Variants in PRICKLE1 observed in about 807,000 individuals in gnomAD.
The protein encoded by PRICKLE1 is prickle-like protein 1.
Under a neutral mutation model 70.2 loss-of-function variants are expected in PRICKLE1, and 14 were observed. That is an observed-to-expected ratio of 0.20 (90% CI 0.13 to 0.31). The LOEUF (loss-of-function observed/expected upper bound fraction) is 0.31, where lower values mean the gene tolerates loss of function less well. Among genes scored for constraint, PRICKLE1 ranks in the 10% least tolerant of loss-of-function variants. PRICKLE1 has a pLI of 1.00. For synonymous variants in PRICKLE1, 357 were observed against 379.9 expected, an observed-to-expected ratio of 0.94 and a Z score of 0.70; for missense variants, 821 against 1,026.2, an observed-to-expected ratio of 0.80 and a Z score of 2.73.
In PRICKLE1 at chr12:42,464,544, A is replaced by G; in HGVS notation, c.1490T>C (p.Leu497Pro). Residue 497 changes from leucine (L) to proline (P), a missense_variant, in exon 7 of 8, where the codon CTT becomes CCT. By Grantham distance (98) the Leu-to-Pro change is moderately conservative. Coordinates refer to ENST00000345127, the MANE Select transcript of PRICKLE1 (RefSeq NM_153026.3). This position sits in a 1 kb window ranked among gnomAD's most constrained non-coding sequence, Gnocchi z 4.2. The part of the protein sequence containing the change: ...SHPGPASSRR[L>P]QELELDHGAS... ...CCCATGGTCCAGTTCCAATTCCTGA[A>G]GCCTTCTACTGCTTGCAGGGCCTGG... The G allele has an allele frequency of 6.2e-7, 1 of 1,613,856 alleles. No homozygotes were observed. Among genetic ancestry groups the G allele is most frequent in the Non-Finnish European group, 8.5e-7 (1 of 1,179,984 alleles).
chr12:42,557,846 G>C (rs1174001194), intron 1 of PRICKLE1, among the ~76,000 whole-genome samples: 1 of 152,158 alleles, frequency 6.6e-6, no homozygotes, highest in Admixed American at 6.5e-5. Flanking sequence ...ACTCATTCCA[G>C]AATCATCACA....
intron 1 of PRICKLE1, among the ~76,000 whole-genome samples, chr12:42,532,894 CAAA>C (rs11413258): frequency 1.5e-5 from 2 of 133,062 alleles, no homozygotes; most frequent in African/African-American, 2.9e-5. Flanking sequence ...GACTCCGTCT[CAAA>C]AAAAAAAAAA....
chr12:42,543,831 A>T (rs1427163190), intron 1 of PRICKLE1, among the ~76,000 whole-genome samples: 3 of 152,100 alleles, frequency 2.0e-5, no homozygotes, highest in Non-Finnish European at 2.9e-5. Context: ...AACTCCTCAA[A>T]ATTTAAATAA....
intron 5 of PRICKLE1, among the ~76,000 whole-genome samples, chr12:42,467,538 C>T (rs1036167803): frequency 2.0e-5 from 3 of 151,700 alleles, no homozygotes; most frequent in South Asian, 2.1e-4. Context: ...GTCAGGAATT[C>T]GAGACCAGCC....
At chr12:42,531,657 C>G (rs1939919950) in intron 1 of PRICKLE1, among the ~76,000 whole-genome samples, 2 of 152,156 alleles carry the variant, frequency 1.3e-5, no homozygotes, top group African/African-American at 2.4e-5. Context: ...AACAGGACAA[C>G]TCAGAGTTGA....
chr12:42,554,114 C>T (rs112817401), intron 1 of PRICKLE1, among the ~76,000 whole-genome samples: 6 of 152,180 alleles, frequency 3.9e-5, no homozygotes, highest in African/African-American at 7.2e-5. Flanking sequence ...CAAAACAAAA[C>T]GAAACAAACA....
At chr12:42,497,870 C>T (rs1017495431) in intron 1 of PRICKLE1, among the ~76,000 whole-genome samples, 11 of 152,166 alleles carry the variant, frequency 7.2e-5, no homozygotes, top group East Asian at 3.8e-4. Flanking sequence ...CCTACTCCTA[C>T]GGCTGCTGCC....
In PRICKLE1 at chr12:42,468,947, T is replaced by TG. The variant is rs1938212667; in HGVS notation, c.385-119_385-118insC. 5.5e-5 allele frequency: 56 copies of TG among 1,021,644 alleles called. 1 individual carries two copies. In the South Asian group the frequency reaches 7.6e-4, roughly 14 times the overall value. The allele number at this position is 1,021,644 out of a possible 1,614,324, so 63.3% of individuals were successfully genotyped here. On this transcript the variant is annotated intron_variant, in intron 4 of 7. Coordinates refer to ENST00000345127, the MANE Select transcript of PRICKLE1 (RefSeq NM_153026.3). ...GGAATGTATTTATTTTTGCTACCTC[T>TG]TTTAGTGATTAAATAGCTCTTTAAT...
At chr12:42,477,408 TA>T (rs1450909076) in intron 1 of PRICKLE1, among the ~76,000 whole-genome samples, 8 of 134,508 alleles carry the variant, frequency 5.9e-5, no homozygotes, top group African/African-American at 1.7e-4. Context: ...TATATACACA[TA>T]TTATATATAT....
intron 1 of PRICKLE1, among the ~76,000 whole-genome samples, chr12:42,477,955 CTTTTTTTTT>C (rs35905569): frequency 7.5e-6 from 1 of 133,136 alleles, no homozygotes; most frequent in South Asian, 2.4e-4. Context: ...CTGCCCTATA[CTTTTTTTTT>C]TTTTTTTTTG....
At chr12:42,506,098 A>G (rs1373588690) in intron 1 of PRICKLE1, among the ~76,000 whole-genome samples, 1 of 151,452 alleles carries the variant, frequency 6.6e-6, no homozygotes, top group Non-Finnish European at 1.5e-5. Flanking sequence ...AAGGTTGCGT[A>G]TCAAGCACCC....
chr12:42,462,101 T>C (rs552975349), intron 7 of PRICKLE1, among the ~76,000 whole-genome samples: 2 of 152,308 alleles, frequency 1.3e-5, no homozygotes, highest in South Asian at 2.1e-4. Flanking sequence ...CCCGGCCCTA[T>C]ATAACTTCAT....
intron 1 of PRICKLE1, among the ~76,000 whole-genome samples, chr12:42,507,103 G>A (rs1393825646): frequency 6.6e-6 from 1 of 152,176 alleles, no homozygotes; most frequent in African/African-American, 2.4e-5. Flanking sequence ...AAAGCTGTAT[G>A]TTCATGAAGC....
chr12:42,567,827 GTTATC>G (rs1940647278), intron 1 of PRICKLE1, among the ~76,000 whole-genome samples: 1 of 148,928 alleles, frequency 6.7e-6, no homozygotes, highest in Non-Finnish European at 1.5e-5. Flanking sequence ...AGGTATAAGC[GTTATC>G]TTCTTTAGGT....
chr12:42,577,728 C>T (rs1200775282), intron 1 of PRICKLE1, among the ~76,000 whole-genome samples: 1 of 152,090 alleles, frequency 6.6e-6, no homozygotes, highest in Non-Finnish European at 1.5e-5. Flanking sequence ...ATCTAAGATC[C>T]CATGCAAGTT....
intron 1 of PRICKLE1, among the ~76,000 whole-genome samples, chr12:42,559,049 C>A (rs1228910160): frequency 1.3e-5 from 2 of 152,028 alleles, no homozygotes; most frequent in Non-Finnish European, 1.5e-5. Flanking sequence ...CTAAGGAGTT[C>A]GAAAAAGGAG....
rs1937628746 is a variant in PRICKLE1, at chr12:42,457,284, A to T, written c.*2525T>A. 1 of 152,072 alleles carries T rather than the reference A, an allele frequency of 6.6e-6. No individual in the cohort carries two copies. The highest frequency in any genetic ancestry group is 1.5e-5 in the Non-Finnish European group (1 of 68,028). The allele number at this position is 152,072 out of a possible 1,614,324, so 9.4% of individuals were successfully genotyped here. ...TGTTACCCCTATCTTTTGAGAATGT[A>T]CTTGAAAAGTGAGGGCAGTACCTTC... On this transcript the variant is annotated 3_prime_UTR_variant, in exon 8 of 8. Transcript: ENST00000345127.
At chr12:42,566,720 T>G (rs1479491993) in intron 1 of PRICKLE1, among the ~76,000 whole-genome samples, 1 of 152,184 alleles carries the variant, frequency 6.6e-6, no homozygotes, top group South Asian at 2.1e-4. Context: ...CTCCTTCCAT[T>G]CATCAAACAT....
At chr12:42,485,620 T>C (rs1304080002) in intron 1 of PRICKLE1, 1 of 152,228 alleles carries the variant, frequency 6.6e-6, no homozygotes, top group African/African-American at 2.4e-5. Context: ...CAATCAATTA[T>C]TGATTTAAAT....
Sources: gnomAD v4.1 joint callset for allele counts (sites outside exome capture counted in the v4.1 genomes callset) on GRCh38, gnomAD v4.1.1 for gene constraint, Gnocchi (gnomAD v3.1) non-coding constraint, MANE v1.5 for transcripts, NCBI Gene and HGNC (gene_info 2026-07-23, HGNC 2026-07-21) for gene names.